SAMMSON: variants seen among roughly 807,000 people sequenced by gnomAD.
The protein encoded by SAMMSON is long intergenic non-protein coding RNA 1212.
chr3:70,036,807 C>T (rs2067087170), intron 3 of SAMMSON, among the ~76,000 whole-genome samples: 1 of 151,942 alleles, frequency 6.6e-6, no homozygotes, highest in South Asian at 2.1e-4. Flanking sequence ...TTTCTGCTTG[C>T]TCTATATTAA....
intron 2 of SAMMSON, among the ~76,000 whole-genome samples, chr3:70,417,685 T>G (rs578162706): frequency 3.9e-5 from 6 of 152,270 alleles, no homozygotes; most frequent in Non-Finnish European, 7.4e-5. Flanking sequence ...TTATTTTTTT[T>G]TGTGGTCCCA....
chr3:70,244,275 C>T (rs972548490), intron 4 of SAMMSON, among the ~76,000 whole-genome samples: 1 of 152,174 alleles, frequency 6.6e-6, no homozygotes. Flanking sequence ...TCTGTTCTAA[C>T]TGAAAAGCTG....
chr3:70,125,482 T>G, intron 4 of SAMMSON: 1 of 754,474 alleles, frequency 1.3e-6, no homozygotes, highest in South Asian at 1.6e-5. Context: ...CATCAGAGTC[T>G]TTTTTAATCT....
chr3:70,206,872 C>T, intron 4 of SAMMSON: 1 of 395,850 alleles, frequency 2.5e-6, no homozygotes, highest in Non-Finnish European at 4.5e-6. Context: ...GAAATTTTCA[C>T]ATTTGACTTT....
chr3:70,005,887 C>A (rs2066924630), intron 1 of SAMMSON, among the ~76,000 whole-genome samples: 1 of 152,158 alleles, frequency 6.6e-6, no homozygotes, highest in Non-Finnish European at 1.5e-5. Context: ...CAGACTTGTT[C>A]TAAACAGGCT....
intron 3 of SAMMSON, among the ~76,000 whole-genome samples, chr3:70,037,800 A>G (rs1385221295): frequency 2.0e-5 from 3 of 152,182 alleles, no homozygotes; most frequent in Non-Finnish European, 2.9e-5. Context: ...CTTCATGTAG[A>G]CACTCTCAAT....
rs186056197 is a variant in SAMMSON at position 70,338,365 on chromosome 3, G to T, written n.740-15810G>T. On this transcript the variant is annotated intron_variant and non_coding_transcript_variant, in intron 7 of 9. Coordinates refer to ENST00000642114, the Ensembl canonical transcript of SAMMSON. The stretch of plus-strand genomic sequence containing the variant: ...GACCCAGATTCAAGTCCAAGTTTTG[G>T]TATGCTCTAGATAGATGATTGTGCA... Among the ~76,000 whole-genome samples the T allele has an allele frequency of 2.0e-5, 3 of 152,146 alleles. 1 individual carries two copies. Among genetic ancestry groups the T allele is most frequent in the African/African-American group, 7.2e-5 (3 of 41,512 alleles).
intron 4 of SAMMSON, chr3:70,126,526 A>G: frequency 1.7e-6 from 1 of 596,686 alleles, no homozygotes; most frequent in Non-Finnish European, 3.1e-6. Flanking sequence ...GCCTCACCAG[A>G]AGAGTTCGGT....
intron 7 of SAMMSON, among the ~76,000 whole-genome samples, chr3:70,337,655 T>G (rs971152908): frequency 6.6e-6 from 1 of 151,932 alleles, no homozygotes; most frequent in Non-Finnish European, 1.5e-5. Flanking sequence ...CTATTCCTCC[T>G]CCTAGGGTAT....
At chr3:70,194,433 C>A (rs1448182329) in intron 4 of SAMMSON, among the ~76,000 whole-genome samples, 3 of 152,178 alleles carry the variant, frequency 2.0e-5, no homozygotes, top group African/African-American at 7.2e-5. Context: ...ATTTCCCCAG[C>A]TGCGTATGTT....
At chr3:70,016,409 T>C (rs945355789) in intron 3 of SAMMSON, among the ~76,000 whole-genome samples, 1 of 151,816 alleles carries the variant, frequency 6.6e-6, no homozygotes, top group Non-Finnish European at 1.5e-5. Flanking sequence ...TCTTCACATC[T>C]TTCACTCACT....
intron 4 of SAMMSON, among the ~76,000 whole-genome samples, chr3:70,076,885 A>G (rs1467974679): frequency 1.3e-5 from 2 of 152,190 alleles, no homozygotes; most frequent in African/African-American, 2.4e-5. Context: ...TTATGTAAAT[A>G]TATTTGTTCA....
chr3:70,228,424 C>CA (rs908224227), intron 4 of SAMMSON, among the ~76,000 whole-genome samples: 19 of 145,538 alleles, frequency 1.3e-4, no homozygotes, highest in South Asian at 8.7e-4. Flanking sequence ...GTTAGGCTGC[C>CA]AAAAAAAAAA....
intron 4 of SAMMSON, among the ~76,000 whole-genome samples, chr3:70,207,831 G>A (rs1011028969): frequency 6.6e-6 from 1 of 151,892 alleles, no homozygotes; most frequent in Non-Finnish European, 1.5e-5. Flanking sequence ...TGAAAATTTC[G>A]ATATCTGTGG....
intron 3 of SAMMSON, among the ~76,000 whole-genome samples, chr3:70,041,457 T>C (rs2067105967): frequency 6.6e-6 from 1 of 152,084 alleles, no homozygotes; most frequent in South Asian, 2.1e-4. Flanking sequence ...GCATAGTAAT[T>C]AGGATCTCCA....
chr3:70,064,650 C>T (rs1030611671), intron 3 of SAMMSON, among the ~76,000 whole-genome samples: 4 of 151,994 alleles, frequency 2.6e-5, no homozygotes, highest in African/African-American at 9.7e-5. Context: ...TTGGGTTTTG[C>T]CAGCCAAGGG....
intron 4 of SAMMSON, among the ~76,000 whole-genome samples, chr3:70,164,606 T>G (rs912422896): frequency 1.3e-5 from 2 of 152,036 alleles, no homozygotes; most frequent in South Asian, 4.1e-4. Context: ...CAAGGTAGTA[T>G]GCATAGTGTT....
intron 9 of SAMMSON, among the ~76,000 whole-genome samples, chr3:70,368,977 TC>T (rs1426637122): frequency 6.6e-6 from 1 of 151,714 alleles, no homozygotes; most frequent in Non-Finnish European, 1.5e-5. Flanking sequence ...AGTCTTCCAA[TC>T]CATGAACACA....
chr3:70,248,888 T>G (rs1376507940), intron 4 of SAMMSON, among the ~76,000 whole-genome samples: 1 of 152,158 alleles, frequency 6.6e-6, no homozygotes, highest in African/African-American at 2.4e-5. Flanking sequence ...ACTCACTGGA[T>G]GGTAAATCTA....
Sources: allele counts gnomAD v4.1 joint callset (sites outside exome capture counted in the v4.1 genomes callset), GRCh38; gene constraint gnomAD v4.1.1; transcripts MANE v1.5; gene names NCBI Gene and HGNC (gene_info 2026-07-23, HGNC 2026-07-21).